The following SSX1 variants were observed in gnomAD, a reference collection of about 807,000 sequenced individuals.
SSX1 encodes the protein protein SSX1.
In SSX1, 58 loss-of-function variants were observed where a neutral mutation model predicts 14.6. The ratio of observed to expected loss-of-function variants is 3.96; its 90% CI spans 3.21 to 4.93. The LOEUF is 4.93. Among genes scored for constraint, SSX1 ranks in the 30% most tolerant of loss-of-function variants. The pLI is 0.00. For synonymous variants in SSX1, 46 were observed against 52.1 expected (o/e 0.88, Z 0.50); for missense variants, 272 against 143.1 (o/e 1.90, Z -4.60).
chrX:48,263,010 T>C (rs1556935762), intron 5 of SSX1, among the ~76,000 whole-genome samples: 1 of 110,302 alleles, frequency 9.1e-6, no homozygotes, highest in Non-Finnish European at 1.9e-5. Flanking sequence ...AGCGCCTGCC[T>C]GTAATCCTAG....
chrX:48,264,928 C>T (rs2059618147), intron 6 of SSX1, among the ~76,000 whole-genome samples: 1 of 112,528 alleles, frequency 8.9e-6, no homozygotes, highest in Non-Finnish European at 1.9e-5. Context: ...TGCTGCTACA[C>T]CTTGCACTTT....
intron 7 of SSX1, 100 bp from the exon 8 acceptor site, chrX:48,266,754 T>A: frequency 1.7e-6 from 1 of 589,498 alleles, no homozygotes; most frequent in South Asian, 2.6e-5. Context: ...TAGGGCAGAA[T>A]CAGAGTGTGC....
intron 4 of SSX1, among the ~76,000 whole-genome samples, chrX:48,259,414 C>T (rs1556935126): frequency 9.1e-6 from 1 of 110,167 alleles, no homozygotes; most frequent in Non-Finnish European, 1.9e-5. Flanking sequence ...GTGTTTGAAA[C>T]ATTTCTTTTT....
chrX:48,259,990 T>C (rs2059598517), intron 4 of SSX1, among the ~76,000 whole-genome samples: 1 of 101,326 alleles, frequency 9.9e-6, no homozygotes, highest in African/African-American at 3.6e-5. Flanking sequence ...CTGGGTCAAA[T>C]GGTATTTCTA....
intron 4 of SSX1, among the ~76,000 whole-genome samples, chrX:48,261,130 T>A (rs1364329236): frequency 9.0e-6 from 1 of 111,647 alleles, no homozygotes; most frequent in African/African-American, 3.3e-5. Flanking sequence ...GGGGACATAT[T>A]TGTTTACTTG....
In SSX1 at chrX:48,266,314, C is replaced by A. The variant is rs782349558; in HGVS notation, c.494C>A (p.Thr165Asn). 12 of 1,208,019 alleles carry A rather than the reference C, an allele frequency of 9.9e-6. No homozygotes were observed. The highest frequency in any genetic ancestry group is 1.3e-5 in the Non-Finnish European group (12 of 895,021). The change falls in exon 7 of 8, where the codon ACC becomes AAC. Residue 165 changes from threonine to asparagine, a missense_variant. Transcript: ENST00000376919. ...SGPKRGKHAW[T>N]HRLRERKQLV... ...CCCAAAAGGGGGAAACATGCCTGGA[C>A]CCACAGACTGCGTGAGAGAAAGCAG...
rs137896828 is a variant in SSX1, at chrX:48,257,825, A to T, written c.149A>T (p.Tyr50Phe). The change falls in exon 3 of 8, where the codon TAT (tyrosine) becomes TTT (phenylalanine). Residue 50 changes from tyrosine (Y) to phenylalanine (F), a missense_variant. Physicochemically the swap from Tyr to Phe is conservative, Grantham distance 22. Coordinates refer to ENST00000376919, the MANE Select transcript of SSX1 (RefSeq NM_005635.4). ...MKYSEKISYV[Y>F]MKRNYKAMTK... is the part of the protein sequence containing the mutation. The stretch of plus-strand genomic sequence containing the variant: ...TACTCGGAGAAAATCAGCTATGTGT[A>T]TATGAAGAGAAACTATAAGGCCATG... The T allele has an allele frequency of 2.5e-6, 3 of 1,203,173 alleles. No individual in the cohort carries two copies. In the South Asian group the frequency reaches 5.3e-5, roughly 21 times the overall value.
rs2059585135 is a variant in SSX1, at chrX:48,257,217, T to G, written c.-20-5T>G. ...CTAGAAAGTCTCAGGCTGTTTCTCT[T>G]GCAGGTGAGACTGCTCCTGGTGCCA... On this transcript the variant is annotated splice_polypyrimidine_tract_variant and splice_region_variant and intron_variant, in intron 1 of 7. Coordinates refer to ENST00000376919, the MANE Select transcript of SSX1 (RefSeq NM_005635.4). The G allele has an allele frequency of 1.7e-6, 2 of 1,209,273 alleles. No homozygotes were observed. The highest frequency in any genetic ancestry group is 2.2e-5 in the Admixed American group (1 of 46,025).
intron 7 of SSX1, 55 bp from the exon 8 acceptor site, chrX:48,266,799 T>G: frequency 1.3e-6 from 1 of 776,273 alleles, no homozygotes; most frequent in Non-Finnish European, 1.9e-6. Flanking sequence ...GAGGTTGAGT[T>G]ATTGGGCAGT....
chrX:48,265,965 C>T (rs1468354730), intron 6 of SSX1, among the ~76,000 whole-genome samples: 1 of 111,646 alleles, frequency 9.0e-6, no homozygotes, highest in Non-Finnish European at 1.9e-5. Context: ...AATGAGGTGC[C>T]ATAAAACAAG....
In SSX1 at chrX:48,266,300, GA is replaced by G. The variant is rs1219178032; in HGVS notation, c.483del (p.Lys161AsnfsTer15). The G allele has an allele frequency of 8.3e-7, 1 of 1,207,884 alleles. No individual in the cohort carries two copies. Among genetic ancestry groups the G allele is most frequent in the African/African-American group, 1.8e-5 (1 of 56,988 alleles). Reference sequence around the variant, plus strand: ...TCTCCATCATAGGACCCAAAAGGGGGAAACATGCCTGGACCCACAGACTGCG... The same window carrying G: ...TCTCCATCATAGGACCCAAAAGGGGGAACATGCCTGGACCCACAGACTGCG... ...INKRSGPKRG[K>X]HAWTHRLRER... On this transcript the variant is annotated frameshift_variant, in exon 7 of 8. Transcript: ENST00000376919. LOFTEE classifies it high-confidence loss of function.
At position 48,267,086 on chromosome X, in the gene SSX1, G is replaced by A. The variant is rs2059626682; in HGVS notation, c.*237G>A. 2.4e-6 allele frequency: 1 copy of A among 423,687 alleles called. No individual in the cohort carries two copies. The highest frequency in any genetic ancestry group is 2.5e-5 in the African/African-American group (1 of 40,154). 34.9% of individuals were successfully genotyped at this position (423,687 alleles called of 1,213,427 possible). A position where few individuals can be genotyped will look rare whatever the true frequency, so the allele number is the denominator to read the frequency against. On this transcript the variant is annotated 3_prime_UTR_variant, in exon 8 of 8. Coordinates refer to ENST00000376919, the MANE Select transcript of SSX1 (RefSeq NM_005635.4). ...GTTAGATACTATCCTTATAATTGAT[G>A]AGCAAGACATACTGAATGCATATTT...
intron 6 of SSX1, among the ~76,000 whole-genome samples, chrX:48,265,053 C>G (rs1180811471): frequency 8.9e-6 from 1 of 112,219 alleles, no homozygotes; most frequent in Non-Finnish European, 1.9e-5. Context: ...AGGTCTTGCT[C>G]TGAATTAGAC....
In SSX1 at chrX:48,258,544, G is replaced by C. The variant is rs782766177; in HGVS notation, c.193G>C (p.Val65Leu). ...YKAMTKLGFK[V>L]TLPPFMCNKQ... ...ATTTTGCTTCTTTCTAGGTTTCAAA[G>C]TCACCCTCCCACCTTTCATGTGTAA... Residue 65 changes from valine to leucine, a missense_variant, in exon 4 of 8, where the codon GTC (valine) becomes CTC (leucine). Physicochemically the swap from Val to Leu is conservative, Grantham distance 32. Coordinates refer to ENST00000376919, the MANE Select transcript of SSX1 (RefSeq NM_005635.4). 2.5e-6 allele frequency: 3 copies of C among 1,207,025 alleles called. No individual in the cohort carries two copies. Among genetic ancestry groups the C allele is most frequent in the Non-Finnish European group, 3.4e-6 (3 of 892,296 alleles).
intron 4 of SSX1, 126 bp from the exon 5 acceptor site, chrX:48,261,640 C>T: frequency 1.3e-6 from 1 of 769,645 alleles, no homozygotes; most frequent in Non-Finnish European, 2.0e-6. Flanking sequence ...AAGCAAATCT[C>T]AAATAACTCC....
intron 5 of SSX1, among the ~76,000 whole-genome samples, chrX:48,262,158 C>G (rs1556935587): frequency 8.9e-6 from 1 of 112,236 alleles, no homozygotes; most frequent in African/African-American, 3.2e-5. Context: ...TGTGACTTGG[C>G]ACAAATCTTC....
At chrX:48,257,919 C>T (rs1485382208) in intron 3 of SSX1, 59 bp downstream of exon 3, 3 of 744,786 alleles carry the variant, frequency 4.0e-6, no homozygotes, top group Admixed American at 6.6e-5. Flanking sequence ...CCTTTTCCTG[C>T]TTTGGCTACT....
At chrX:48,256,914 G>A (rs2059584048) in intron 1 of SSX1, among the ~76,000 whole-genome samples, 1 of 109,829 alleles carries the variant, frequency 9.1e-6, no homozygotes, top group African/African-American at 3.3e-5. Flanking sequence ...TCCCCAGCAA[G>A]GGTCTGTACA....
rs111623639 is a variant in SSX1, at chrX:48,266,818, G to A, written c.*5-36G>A. 5,312 of 894,723 alleles carry A rather than the reference G, an allele frequency of 5.9e-3. 154 individuals are homozygous for A. In the African/African-American group the frequency reaches 0.092, roughly 15 times the overall value. 73.7% of individuals were successfully genotyped at this position (894,723 alleles called of 1,213,427 possible). A position where few individuals can be genotyped will look rare whatever the true frequency, so the allele number is the denominator to read the frequency against. ...TTGAGTTATTGGGCAGTGGGAACTC[G>A]CTGTCACTTACTTTCCTTCCCTCTT... On this transcript the variant is annotated intron_variant, in intron 7 of 7. Transcript: ENST00000376919.
Sources: allele counts gnomAD v4.1 joint callset (sites outside exome capture counted in the v4.1 genomes callset), GRCh38; gene constraint gnomAD v4.1.1; transcripts MANE v1.5; gene names NCBI Gene and HGNC (gene_info 2026-07-23, HGNC 2026-07-21).